Variants in ARL10 observed in about 807,000 individuals in gnomAD.
ARL10 encodes the protein ARF like GTPase 10.
A neutral mutation model predicts 26.1 loss-of-function variants in ARL10; 23 were observed. The observed-to-expected ratio is 0.88, with a 90% CI of 0.63 to 1.25. The LOEUF (loss-of-function observed/expected upper bound fraction) is 1.25, where lower values mean the gene tolerates loss of function less well. ARL10 is among the 50% of genes most tolerant of loss of function. The pLI is 0.00. For synonymous variants in ARL10, 138 were observed against 149.1 expected (o/e 0.93, Z 0.54); for missense variants, 300 against 323.6 (o/e 0.93, Z 0.56).
In ARL10 at chr5:176,378,374, T is replaced by C. The variant is rs1050635991; in HGVS notation, c.*6479T>C. On this transcript the variant is annotated 3_prime_UTR_variant, in exon 4 of 4. Coordinates refer to ENST00000310389, the MANE Select transcript of ARL10 (RefSeq NM_173664.6). ...CTTCAATCTTATAAGAATTTGTTAT[T>C]TATTTTTCACCTTTACTCAAGATAG... 6 of 152,240 alleles carry C rather than the reference T, an allele frequency of 3.9e-5. No homozygotes were observed. Among genetic ancestry groups the C allele is most frequent in the African/African-American group, 1.4e-4 (6 of 41,466 alleles). 9.4% of individuals were successfully genotyped at this position (152,240 alleles called of 1,614,324 possible).
downstream of ARL10, chr5:176,385,968 A>G (rs1164955775): frequency 6.5e-6 from 1 of 152,676 alleles, no homozygotes; most frequent in Non-Finnish European, 1.5e-5. Flanking sequence ...TCCAGAGGTT[A>G]GGTCCTCATA....
At chr5:176,390,437 A>G (rs1279314544), downstream of ARL10, among the ~76,000 whole-genome samples, 2 of 151,702 alleles carry the variant, frequency 1.3e-5, no homozygotes, top group Non-Finnish European at 2.9e-5. Flanking sequence ...TAGACCATCT[A>G]GTTCTTTTTT....
chr5:176,388,325 G>C, exon 2 of ARL10: 4 of 1,614,210 alleles, frequency 2.5e-6, no homozygotes, highest in East Asian at 4.5e-5. Context: ...CGTGGTCCCA[G>C]GCATGTCGGA....
At chr5:176,367,164 C>T (rs767602452) in intron 2 of ARL10, among the ~76,000 whole-genome samples, 10 of 152,020 alleles carry the variant, frequency 6.6e-5, no homozygotes, top group South Asian at 2.1e-4. Flanking sequence ...CCCGCCACCA[C>T]GCCCGGCTAA....
chr5:176,371,414 GT>G lies in ARL10; in HGVS notation c.562-306del, dbSNP rs200034748. Among the ~76,000 whole-genome samples the G allele has an allele frequency of 5.7e-3, 863 of 152,266 alleles. 7 individuals carry two copies. The highest frequency in any genetic ancestry group is 0.02 in the African/African-American group (822 of 41,526). On this transcript the variant is annotated intron_variant, in intron 3 of 3. Transcript: ENST00000310389. ...GTGGCTAATGATGCAATGAAAAGAG[GT>G]TGGTACAAAGGAGAGCCCAGGGTGA...
chr5:176,388,617 G>C (rs982616743), exon 2 of ARL10: 1 of 1,430,690 alleles, frequency 7.0e-7, no homozygotes, highest in Admixed American at 1.8e-5. Context: ...CCTTCCGGAA[G>C]GCGTGCACAA....
downstream of ARL10, chr5:176,384,573 G>A (rs947673382): frequency 6.7e-6 from 4 of 594,194 alleles, no homozygotes; most frequent in African/African-American, 1.9e-5. Flanking sequence ...GATCTCTTGA[G>A]CCCAGGAGTT....
chr5:176,388,308 G>T (rs761435181), exon 2 of ARL10: 68 of 1,614,088 alleles, frequency 4.2e-5, no homozygotes, highest in Non-Finnish European at 5.7e-5. Context: ...CTGCCGTACC[G>T]ATTTAGCGTG....
rs139269403 is a variant in ARL10 at position 176,374,376 on chromosome 5, C to T, written c.*2481C>T. 2.0e-3 allele frequency: 309 copies of T among 152,254 alleles called. 1 individual carries two copies. Among genetic ancestry groups the T allele is most frequent in the African/African-American group, 7.0e-3 (292 of 41,544 alleles). 9.4% of individuals were successfully genotyped at this position (152,254 alleles called of 1,614,324 possible). On this transcript the variant is annotated 3_prime_UTR_variant, in exon 4 of 4. Transcript: ENST00000310389. ...CAGTTTACAATGTTAAATCAGTTAG[C>T]GGATTCTGTATGTCTTCATGTTTCT...
chr5:176,401,114 C>T (rs1756798177), intron 1 of ARL10, among the ~76,000 whole-genome samples: 1 of 152,200 alleles, frequency 6.6e-6, no homozygotes, highest in African/African-American at 2.4e-5. Context: ...CTTCTGGGGC[C>T]CTTCTCCGGA....
At chr5:176,388,610 TC>T in exon 2 of ARL10, 1 of 1,455,210 alleles carries the variant, frequency 6.9e-7, no homozygotes, top group Non-Finnish European at 9.5e-7. Flanking sequence ...ACAAACTCCT[TC>T]CGGAAGGCGT....
At chr5:176,397,683 C>T in intron 1 of ARL10, 1 of 1,613,850 alleles carries the variant, frequency 6.2e-7, no homozygotes, top group South Asian at 1.1e-5. Context: ...TTGGCCTTCT[C>T]CCGCCATTCC....
chr5:176,369,480 G>A (rs956580807), intron 3 of ARL10, among the ~76,000 whole-genome samples: 4 of 152,074 alleles, frequency 2.6e-5, no homozygotes, highest in South Asian at 2.1e-4. Flanking sequence ...TGATCCGCCC[G>A]CCTCAGCTTC....
Position 176,365,529 on chromosome 5 carries a change from T to A in ARL10, c.-35T>A. ...CTTCGGCGGGCGAGTGGGCTCGGCC[T>A]GTGCAACCCGCACCTGCGTCCCTCG... On this transcript the variant is annotated 5_prime_UTR_variant, in exon 1 of 4. Coordinates refer to ENST00000310389, the MANE Select transcript of ARL10 (RefSeq NM_173664.6). 2 of 1,218,536 alleles carry A rather than the reference T, an allele frequency of 1.6e-6. No individual in the cohort carries two copies. The highest frequency in any genetic ancestry group is 2.0e-6 in the Non-Finnish European group (2 of 979,294). 75.5% of individuals were successfully genotyped at this position (1,218,536 alleles called of 1,614,324 possible). A position where few individuals can be genotyped will look rare whatever the true frequency, so the allele number is the denominator to read the frequency against.
In ARL10 at chr5:176,366,383, G is replaced by A. The variant is rs1768302029; in HGVS notation, c.187G>A (p.Glu63Lys). The A allele has an allele frequency of 6.2e-7, 1 of 1,607,524 alleles. No individual in the cohort carries two copies. The highest frequency in any genetic ancestry group is 2.2e-5 in the East Asian group (1 of 44,770). The change falls in exon 2 of 4, where the codon GAG (glutamate) becomes AAG (lysine). Residue 63 changes from glutamate (E) to lysine (K), a missense_variant. Physicochemically the swap from Glu to Lys is moderately conservative, Grantham distance 56. Transcript: ENST00000310389. Reference protein sequence around the residue: ...RLPEWDEWDPEDEEDEEPALE... With the variant: ...RLPEWDEWDPKDEEDEEPALE... ...CCTTACCTCCGCTTCCCCGCAGCCC[G>A]AGGACGAGGAGGACGAGGAGCCGGC...
downstream of ARL10, chr5:176,389,838 A>C (rs921293223): frequency 5.1e-6 from 1 of 197,022 alleles, no homozygotes; most frequent in Non-Finnish European, 1.0e-5. Context: ...GAAATCGTGT[A>C]GTCTAGTGAT....
chr5:176,409,293 G>GA, the ARL10 span, among the ~76,000 whole-genome samples: 13,490 of 102,884 alleles, frequency 0.13, 908 homozygotes, highest in East Asian at 0.26. Flanking sequence ...TTTTAAAATT[G>GA]AAAAAAAAAA....
chr5:176,383,974 A>C (rs1183290794), downstream of ARL10: 1 of 1,529,222 alleles, frequency 6.5e-7, no homozygotes, highest in African/African-American at 1.4e-5. Context: ...TTATGTACAC[A>C]CTATATTTAC....
chr5:176,386,476 C>A (rs1755853134), downstream of ARL10: 7 of 358,142 alleles, frequency 2.0e-5, no homozygotes, highest in Non-Finnish European at 3.3e-5. Flanking sequence ...TACATAAAAT[C>A]GATTTTGTCA....
Sources: allele counts gnomAD v4.1 joint callset (sites outside exome capture counted in the v4.1 genomes callset), GRCh38; gene constraint gnomAD v4.1.1; transcripts MANE v1.5; gene names NCBI Gene and HGNC (gene_info 2026-07-23, HGNC 2026-07-21).